The following LETM2 variants were observed in gnomAD, a reference collection of about 807,000 sequenced individuals.
The protein encoded by LETM2 is leucine zipper and EF-hand containing transmembrane protein 2, also known as LETM1 domain-containing protein LETM2, mitochondrial.
Under a neutral mutation model 59.6 loss-of-function variants are expected in LETM2, and 58 were observed. The ratio of observed to expected loss-of-function variants is 0.97; its 90% confidence interval spans 0.79 to 1.21. The LOEUF (loss-of-function observed/expected upper bound fraction) is 1.21. Among genes scored for constraint, LETM2 ranks in the 50% most tolerant of loss-of-function variants. The pLI is 0.00. For synonymous variants in LETM2, 199 were observed against 214.1 expected (o/e 0.93, Z 0.62); for missense variants, 572 against 575.7 (o/e 0.99, Z 0.07).
chr8:38,391,744 T>C (rs1005952099), intron 2 of LETM2, among the ~76,000 whole-genome samples: 22 of 151,218 alleles, frequency 1.5e-4, no homozygotes, highest in Non-Finnish European at 3.1e-4. Context: ...CAGGCTGGAG[T>C]GCAGTGGCAT....
At chr8:38,395,192 C>A (rs1812590912) in intron 4 of LETM2, among the ~76,000 whole-genome samples, 1 of 152,156 alleles carries the variant, frequency 6.6e-6, no homozygotes, top group Admixed American at 6.5e-5. Context: ...CACTTATGTA[C>A]AGGTTTTTGT....
upstream of LETM2, among the ~76,000 whole-genome samples, chr8:38,385,508 C>G (rs763435631): frequency 1.3e-5 from 2 of 152,198 alleles, no homozygotes; most frequent in East Asian, 3.8e-4. Context: ...ATTCTCCTGC[C>G]TCAGCCTCCA....
chr8:38,383,409 G>A (rs1372025637), upstream of LETM2: 1 of 152,174 alleles, frequency 6.6e-6, no homozygotes, highest in African/African-American at 2.4e-5. Flanking sequence ...AAGCAAATGA[G>A]GAAACCGATA....
chr8:38,388,578 C>T (rs1440335878), intron 2 of LETM2, among the ~76,000 whole-genome samples: 2 of 149,610 alleles, frequency 1.3e-5, no homozygotes, highest in Non-Finnish European at 3.0e-5. Flanking sequence ...AAAAATTAGC[C>T]GGCATGGTGG....
At position 38,388,077 on chromosome 8, in the gene LETM2, CTTCT is replaced by C. The variant is rs777938152; in HGVS notation, c.47+50_47+53del. On this transcript the variant is annotated intron_variant, in intron 2 of 10. Transcript: ENST00000379957. Reference sequence around the variant, plus strand: ...CAATATGAACGTAATTCTTCTTCTTCTTCTTTTTTTTTTTTTTTTCTGAGATGGA... The same window carrying C: ...CAATATGAACGTAATTCTTCTTCTTCTTTTTTTTTTTTTTTCTGAGATGGA... 4.7e-4 allele frequency: 526 copies of C among 1,112,250 alleles called. 2 individuals are homozygous for C. The African/African-American group carries it at 8.1e-3, about 17-fold the overall frequency. 68.9% of individuals were successfully genotyped at this position (1,112,250 alleles called of 1,614,324 possible). A position where few individuals can be genotyped will look rare whatever the true frequency, so the allele number is the denominator to read the frequency against.
intron 2 of LETM2, among the ~76,000 whole-genome samples, chr8:38,392,229 A>G (rs1812344761): frequency 6.6e-6 from 1 of 152,002 alleles, no homozygotes; most frequent in Admixed American, 6.6e-5. Context: ...GTTTGAGATT[A>G]TCCTGGCCAA....
intron 2 of LETM2, 50 bp downstream of exon 2, chr8:38,388,080 C>CTTT (rs35044708): frequency 1.9e-4 from 171 of 889,752 alleles, no homozygotes; most frequent in East Asian, 5.5e-4. Flanking sequence ...TCTTCTTCTT[C>CTTT]TTTTTTTTTT....
In LETM2 at chr8:38,409,000, T is replaced by C. The variant is rs556299380; in HGVS notation, c.*726T>C. 1 of 152,332 alleles carries C rather than the reference T, an allele frequency of 6.6e-6. No individual in the cohort carries two copies. The highest frequency in any genetic ancestry group is 2.1e-4 in the South Asian group (1 of 4,828). 9.4% of individuals were successfully genotyped at this position (152,332 alleles called of 1,614,324 possible). A position where few individuals can be genotyped will look rare whatever the true frequency, so the allele number is the denominator to read the frequency against. On this transcript the variant is annotated 3_prime_UTR_variant, in exon 11 of 11. Transcript: ENST00000379957. ...GGTTTAAGCCTTAACCATGTTTGTGTTGGGTGTGTGTGTTTCTGGCCAGTT... is the reference window on the plus strand; with the variant it reads ...GGTTTAAGCCTTAACCATGTTTGTGCTGGGTGTGTGTGTTTCTGGCCAGTT...
intron 7 of LETM2, 37 bp downstream of exon 7, chr8:38,402,681 G>T: frequency 1.9e-6 from 3 of 1,609,638 alleles, no homozygotes. Context: ...CTCTTCCCTA[G>T]AACTCTCTCC....
At chr8:38,407,076 A>G in intron 9 of LETM2, 38 bp downstream of exon 9, 1 of 1,297,758 alleles carries the variant, frequency 7.7e-7, no homozygotes, top group South Asian at 1.2e-5. Flanking sequence ...ATTAGATTAA[A>G]AAATGAAAAT....
intron 2 of LETM2, among the ~76,000 whole-genome samples, chr8:38,391,181 C>CAAAAAAAAAAAAAAAAA (rs552521178): frequency 1.9e-5 from 1 of 51,950 alleles, no homozygotes; most frequent in Non-Finnish European, 3.5e-5. Context: ...CCTCCTGTCT[C>CAAAAAAAAAAAAAAAAA]AAAAAAAAAA....
At chr8:38,392,462 T>G (rs1490175807) in intron 2 of LETM2, 80 bp from the exon 3 acceptor site, 1 of 891,534 alleles carries the variant, frequency 1.1e-6, no homozygotes, top group African/African-American at 1.7e-5. Context: ...TATCTATTTC[T>G]TTAATAATAT....
At chr8:38,403,613 C>T (rs776113741) in intron 7 of LETM2, among the ~76,000 whole-genome samples, 1 of 152,252 alleles carries the variant, frequency 6.6e-6, no homozygotes, top group Non-Finnish European at 1.5e-5. Flanking sequence ...ATTTCATTCT[C>T]ATCATTGTAA....
intron 2 of LETM2, among the ~76,000 whole-genome samples, chr8:38,392,293 C>T (rs1812351590): frequency 6.6e-6 from 1 of 152,024 alleles, no homozygotes; most frequent in Non-Finnish European, 1.5e-5. Flanking sequence ...GGCATGGTGG[C>T]CTGTGCCTGT....
intron 2 of LETM2, among the ~76,000 whole-genome samples, chr8:38,389,972 C>A (rs1812086009): frequency 7.5e-6 from 1 of 134,008 alleles, no homozygotes. Context: ...GCACTCCAGT[C>A]TGGGCAACAG....
intron 2 of LETM2, among the ~76,000 whole-genome samples, chr8:38,392,224 A>C (rs1269711422): frequency 1.3e-5 from 2 of 152,014 alleles, no homozygotes; most frequent in Non-Finnish European, 2.9e-5. Context: ...CAGGAGTTTG[A>C]GATTATCCTG....
intron 3 of LETM2, 115 bp downstream of exon 3, chr8:38,393,110 T>C: frequency 1.1e-6 from 1 of 887,792 alleles, no homozygotes; most frequent in African/African-American, 1.7e-5. Flanking sequence ...GTAGGAATAA[T>C]AACTGCTGGT....
intron 6 of LETM2, 24 bp from the exon 7 acceptor site, chr8:38,402,501 C>T: frequency 5.0e-6 from 8 of 1,612,470 alleles, no homozygotes; most frequent in Non-Finnish European, 6.8e-6. Flanking sequence ...AAAGTTCCAA[C>T]TCCATCCCTT....
rs1464838464 is a variant in LETM2, at chr8:38,400,410, G to A, written c.783+1G>A. 3.2e-6 allele frequency: 5 copies of A among 1,566,982 alleles called. No homozygotes were observed. The East Asian group carries it at 6.9e-5, about 22-fold the overall frequency. On this transcript the variant is annotated splice_donor_variant, in intron 5 of 10. Coordinates refer to ENST00000379957, the MANE Select transcript of LETM2 (RefSeq NM_001286819.2). LOFTEE classifies it high-confidence loss of function. ...ACAGCTCTCATCCTACGTGAAGCAG[G>A]TGTCCATCTTTTATGTAATGCCGAA...
Sources: allele counts gnomAD v4.1 joint callset (sites outside exome capture counted in the v4.1 genomes callset), GRCh38; gene constraint gnomAD v4.1.1; transcripts MANE v1.5; gene names NCBI Gene and HGNC (gene_info 2026-07-23, HGNC 2026-07-21).